Variants in ROBO1 observed in about 807,000 individuals in gnomAD.
ROBO1 encodes the protein roundabout guidance receptor 1.
Under a neutral mutation model 195.9 loss-of-function variants are expected in ROBO1, and 149 were observed. The observed-to-expected ratio is 0.76, with a 90% CI of 0.67 to 0.87. ROBO1 has a LOEUF of 0.87. Ranked by LOEUF, ROBO1 falls within the 40% of genes least tolerant of loss-of-function variation. The pLI is 0.00. For synonymous variants in ROBO1, 816 were observed against 733.2 expected, an observed-to-expected ratio of 1.11 and a Z score of -1.82; for missense variants, 1,933 against 2,068.3, an observed-to-expected ratio of 0.93 and a Z score of 1.27.
intron 3 of ROBO1, among the ~76,000 whole-genome samples, chr3:79,055,507 C>G (rs903280866): frequency 3.3e-5 from 5 of 152,016 alleles, no homozygotes; most frequent in Non-Finnish European, 7.4e-5. Context: ...TGAAGTTTAC[C>G]AGAGCACATT....
chr3:78,934,148 G>A (rs919319172), intron 4 of ROBO1, among the ~76,000 whole-genome samples: 32 of 151,934 alleles, frequency 2.1e-4, no homozygotes, highest in Middle Eastern at 6.9e-3. Context: ...TAACCATAAT[G>A]GAAGTAAAGA....
rs1266519383 is a variant in ROBO1, at chr3:78,667,907, T to C, written c.1942A>G (p.Ile648Val). The C allele has an allele frequency of 6.2e-7, 1 of 1,613,574 alleles. No individual in the cohort carries two copies. The highest frequency in any genetic ancestry group is 1.3e-5 in the African/African-American group (1 of 74,904). ...NAYGISDPSQ[I>V]SDPVKTQDVL... is the part of the protein sequence containing the mutation. ...CCTTGTGTTTTCACTGGATCTGATA[T>C]TTGGCTTGGATCACTAATTCCATAT... The change falls in exon 14 of 31, where the codon ATA (isoleucine) becomes GTA (valine). Residue 648 changes from isoleucine to valine, a missense_variant. Transcript: ENST00000464233.
At chr3:79,565,749 T>G (rs1172560823) in intron 2 of ROBO1, among the ~76,000 whole-genome samples, 1 of 152,064 alleles carries the variant, frequency 6.6e-6, no homozygotes, top group African/African-American at 2.4e-5. Flanking sequence ...ACTTTTTTAT[T>G]ATGAGGATAC....
chr3:79,754,631 C>G (rs891109382), intron 1 of ROBO1, among the ~76,000 whole-genome samples: 17 of 152,136 alleles, frequency 1.1e-4, no homozygotes, highest in African/African-American at 3.9e-4. Flanking sequence ...TTTGGAGAGA[C>G]TTAATGGAGA....
At chr3:78,700,774 T>C (rs912757812) in intron 8 of ROBO1, among the ~76,000 whole-genome samples, 2 of 127,928 alleles carry the variant, frequency 1.6e-5, no homozygotes, top group Admixed American at 8.4e-5. Flanking sequence ...CTTTTTTTTT[T>C]TTTTTTGAGA....
At chr3:78,862,308 G>T (rs2034901002) in intron 4 of ROBO1, among the ~76,000 whole-genome samples, 1 of 151,478 alleles carries the variant, frequency 6.6e-6, no homozygotes. Context: ...ACAGGAGAGA[G>T]AAAAAAAATA....
At chr3:79,355,093 G>A (rs111480345) in intron 2 of ROBO1, among the ~76,000 whole-genome samples, 2,279 of 152,112 alleles carry the variant, frequency 0.015, 24 homozygotes, top group Middle Eastern at 0.034. Flanking sequence ...TTGAAGCCAG[G>A]AGGTGGAGCT....
intron 18 of ROBO1, among the ~76,000 whole-genome samples, chr3:78,653,421 C>T (rs1292533257): frequency 6.6e-6 from 1 of 152,160 alleles, no homozygotes; most frequent in East Asian, 1.9e-4. Flanking sequence ...GGAACTTGTG[C>T]CATTTGCTCT....
At chr3:79,344,411 G>A (rs747405964) in intron 2 of ROBO1, among the ~76,000 whole-genome samples, 5 of 152,088 alleles carry the variant, frequency 3.3e-5, no homozygotes, top group Non-Finnish European at 7.4e-5. Context: ...AGCAAAGAAC[G>A]ATTGGCCAGC....
At chr3:78,676,988 C>T (rs1384709111) in intron 10 of ROBO1, among the ~76,000 whole-genome samples, 2 of 151,948 alleles carry the variant, frequency 1.3e-5, no homozygotes, top group South Asian at 2.1e-4. Flanking sequence ...CGGCAGAAAC[C>T]CTACAAGCCA....
At chr3:78,862,200 T>C (rs1245965941) in intron 4 of ROBO1, among the ~76,000 whole-genome samples, 2 of 151,938 alleles carry the variant, frequency 1.3e-5, no homozygotes, top group African/African-American at 4.8e-5. Flanking sequence ...AGGCTCTAAG[T>C]GTGACAGACT....
At chr3:79,677,580 C>T (rs1355071583) in intron 1 of ROBO1, among the ~76,000 whole-genome samples, 1 of 151,992 alleles carries the variant, frequency 6.6e-6, no homozygotes, top group African/African-American at 2.4e-5. Flanking sequence ...CCTAGTGGGT[C>T]TCCCCCACAA....
At chr3:78,960,888 T>G (rs757671812) in intron 3 of ROBO1, among the ~76,000 whole-genome samples, 2 of 151,992 alleles carry the variant, frequency 1.3e-5, no homozygotes, top group Non-Finnish European at 2.9e-5. Flanking sequence ...GTATTTTTAC[T>G]GGTTTTCCAT....
intron 24 of ROBO1, among the ~76,000 whole-genome samples, chr3:78,633,501 C>T (rs149364369): frequency 2.6e-5 from 4 of 152,280 alleles, no homozygotes; most frequent in Admixed American, 1.3e-4. Flanking sequence ...GTACCTGAAT[C>T]TCATGTTATT....
intron 2 of ROBO1, among the ~76,000 whole-genome samples, chr3:79,496,192 G>A (rs1349286142): frequency 1.8e-5 from 2 of 112,184 alleles, no homozygotes; most frequent in Non-Finnish European, 3.3e-5. Flanking sequence ...CAAACTAGGT[G>A]ACAGAGCAAG....
chr3:79,434,962 G>A (rs1477593490), intron 2 of ROBO1, among the ~76,000 whole-genome samples: 2 of 151,808 alleles, frequency 1.3e-5, no homozygotes, highest in African/African-American at 4.8e-5. Flanking sequence ...CTATCGCAAG[G>A]ACAAAAAACC....
intron 3 of ROBO1, among the ~76,000 whole-genome samples, chr3:79,073,700 T>C (rs1559639939): frequency 6.6e-6 from 1 of 151,822 alleles, no homozygotes; most frequent in Non-Finnish European, 1.5e-5. Context: ...AATCTGTTTC[T>C]TAGCATTCAA....
intron 2 of ROBO1, among the ~76,000 whole-genome samples, chr3:79,572,906 A>G (rs959620261): frequency 6.6e-6 from 1 of 152,122 alleles, no homozygotes; most frequent in Non-Finnish European, 1.5e-5. Flanking sequence ...GATACGCAAT[A>G]TAAGATTAGA....
chr3:78,949,193 G>C (rs1385678477), intron 3 of ROBO1, among the ~76,000 whole-genome samples: 1 of 134,966 alleles, frequency 7.4e-6, no homozygotes, highest in African/African-American at 3.0e-5. Context: ...AAAAGAGACC[G>C]CATCGCCAAG....
Sources: gnomAD v4.1 joint callset for allele counts (sites outside exome capture counted in the v4.1 genomes callset) on GRCh38, gnomAD v4.1.1 for gene constraint, MANE v1.5 for transcripts, NCBI Gene and HGNC (gene_info 2026-07-23, HGNC 2026-07-21) for gene names.